TRAPPC8: variants seen among roughly 807,000 people sequenced by gnomAD.
The protein encoded by TRAPPC8 is general sporulation gene 1 homolog.
In TRAPPC8, 54 loss-of-function variants were observed where a neutral mutation model predicts 174.3. The observed-to-expected ratio is 0.31, with a 90% confidence interval of 0.25 to 0.39. The LOEUF is 0.39. TRAPPC8 is among the 10% of genes least tolerant of loss of function. The pLI is 1.00. For missense variants in TRAPPC8, 1,531 were observed against 1,699.1 expected (o/e 0.90, Z 1.74); for synonymous variants, 630 against 579.9 (o/e 1.09, Z -1.24).
chr18:31,838,113 G>T (rs2032869404), intron 27 of TRAPPC8, among the ~76,000 whole-genome samples: 2 of 152,210 alleles, frequency 1.3e-5, no homozygotes, highest in South Asian at 4.1e-4. Flanking sequence ...GGAACTACAG[G>T]TGTGTACCAC....
intron 12 of TRAPPC8, among the ~76,000 whole-genome samples, chr18:31,874,953 A>C (rs958771427): frequency 2.6e-5 from 4 of 152,194 alleles, no homozygotes; most frequent in Non-Finnish European, 4.4e-5. Flanking sequence ...AAAGGAAGAA[A>C]AGGGAGGCCA....
chr18:31,894,073 C>T (rs895905108), intron 11 of TRAPPC8, among the ~76,000 whole-genome samples: 12 of 152,294 alleles, frequency 7.9e-5, no homozygotes, highest in Middle Eastern at 3.4e-3. Context: ...CAACTGAAGG[C>T]AGATGTGGAA....
rs144682384 is a variant in TRAPPC8 at position 31,899,931 on chromosome 18, C to T, written c.1490+994G>A. Among the ~76,000 whole-genome samples, 60 of 150,468 alleles carry T rather than the reference C, an allele frequency of 4.0e-4. No individual in the cohort carries two copies. In the South Asian group the frequency reaches 0.012, roughly 29 times the overall value. ...ATTGCATTCCAGGTGGGTGACAATG[C>T]GAGACTGTCTCAAAAAAAAACATGG... On this transcript the variant is annotated intron_variant, in intron 10 of 28. Coordinates refer to ENST00000283351, the MANE Select transcript of TRAPPC8 (RefSeq NM_014939.5).
intron 28 of TRAPPC8, 77 bp from the exon 29 acceptor site, chr18:31,831,066 C>T (rs897977970): frequency 8.4e-6 from 11 of 1,304,846 alleles, no homozygotes; most frequent in Non-Finnish European, 7.5e-6. Context: ...TAACATATCC[C>T]TTTCAGCTGG....
At chr18:31,861,230 T>A (rs2034305303) in intron 19 of TRAPPC8, among the ~76,000 whole-genome samples, 1 of 152,216 alleles carries the variant, frequency 6.6e-6, no homozygotes, top group African/African-American at 2.4e-5. Flanking sequence ...CTTTACAAGC[T>A]TTGTTTCATC....
Position 31,874,781 on chromosome 18 carries a change from A to C in TRAPPC8, c.1729-77T>G, listed in dbSNP as rs1181578321. 2.5e-6 allele frequency: 3 copies of C among 1,219,074 alleles called. No individual in the cohort carries two copies. The East Asian group carries it at 7.3e-5, about 30-fold the overall frequency. 75.5% of individuals were successfully genotyped at this position (1,219,074 alleles called of 1,614,324 possible). ...AGAAAAAACAAATACAAACACACAC[A>C]TAGAAACAATTAAGTAACTGGTTCT... On this transcript the variant is annotated intron_variant, in intron 12 of 28. Transcript: ENST00000283351.
chr18:31,939,557 T>C (rs1433593569), intron 1 of TRAPPC8: 4 of 152,180 alleles, frequency 2.6e-5, no homozygotes, highest in African/African-American at 9.7e-5. Flanking sequence ...CACTCCTTCA[T>C]AGGGAATGAC....
chr18:31,882,524 T>C (rs2035505970), intron 12 of TRAPPC8, among the ~76,000 whole-genome samples: 1 of 152,124 alleles, frequency 6.6e-6, no homozygotes, highest in Non-Finnish European at 1.5e-5. Flanking sequence ...ACTATTTGGG[T>C]GATGGGTTAG....
intron 1 of TRAPPC8, among the ~76,000 whole-genome samples, chr18:31,941,748 T>C (rs1377095550): frequency 1.3e-5 from 2 of 152,214 alleles, no homozygotes; most frequent in Admixed American, 6.5e-5. Flanking sequence ...AGGCTTATTA[T>C]GAAACCCTTC....
At chr18:31,928,505 T>C (rs1184688118) in intron 2 of TRAPPC8, among the ~76,000 whole-genome samples, 2 of 151,950 alleles carry the variant, frequency 1.3e-5, no homozygotes, top group Admixed American at 6.6e-5. Context: ...CTTAGGGTGA[T>C]AGAGTAAGAC....
At chr18:31,934,062 C>A (rs2037973295) in intron 1 of TRAPPC8, among the ~76,000 whole-genome samples, 1 of 151,958 alleles carries the variant, frequency 6.6e-6, no homozygotes, top group Non-Finnish European at 1.5e-5. Context: ...GTGGCAAGCG[C>A]CTGTATTCCC....
chr18:31,924,767 G>A (rs1032492859), intron 2 of TRAPPC8, among the ~76,000 whole-genome samples: 20 of 127,942 alleles, frequency 1.6e-4, no homozygotes, highest in African/African-American at 4.0e-4. Context: ...AAAAAAATCC[G>A]CCTGAAGAGT....
At position 31,942,630 on chromosome 18, in the gene TRAPPC8, G is replaced by A. The variant is rs138028897; in HGVS notation, c.135C>T (p.Pro45=). The change falls in exon 1 of 29, where the codon CCC becomes CCT. Residue 45 remains proline (P), a synonymous_variant. Transcript: ENST00000283351. ...NHLSFAELLK[P]FSRLTSEVHM... ...TACCCTCGGAAGTGAGGCGGGAGAAGGGCTTAAGCAGCTCCGCGAAGCTGA... is the reference window on the plus strand; with the variant it reads ...TACCCTCGGAAGTGAGGCGGGAGAAAGGCTTAAGCAGCTCCGCGAAGCTGA... The A allele has an allele frequency of 1.1e-5, 17 of 1,607,610 alleles. No homozygotes were observed. The African/African-American group carries it at 1.7e-4, about 16-fold the overall frequency.
intron 1 of TRAPPC8, among the ~76,000 whole-genome samples, chr18:31,933,373 A>C (rs1358752092): frequency 1.3e-5 from 2 of 152,034 alleles, no homozygotes; most frequent in Admixed American, 6.6e-5. Flanking sequence ...ACCTTGATTT[A>C]AATCCCAACC....
Position 31,830,997 on chromosome 18 carries a change from A to G in TRAPPC8, c.4074-8T>C, listed in dbSNP as rs748697444. On this transcript the variant is annotated splice_region_variant and splice_polypyrimidine_tract_variant and intron_variant, in intron 28 of 28. Transcript: ENST00000283351. ...ATTTCCAGTGCTTCTGGACTAAGGG[A>G]GGAGGAAAATGTAAGTTGCAGGATT... The G allele has an allele frequency of 2.4e-5, 38 of 1,587,654 alleles. No homozygotes were observed. Among genetic ancestry groups the G allele is most frequent in the Non-Finnish European group, 3.2e-5 (37 of 1,165,548 alleles).
intron 15 of TRAPPC8, 123 bp downstream of exon 15, chr18:31,870,803 T>C: frequency 1.0e-6 from 1 of 952,618 alleles, no homozygotes; most frequent in African/African-American, 1.7e-5. Context: ...GCTCAGTAAA[T>C]TATGAGTTCC....
Position 31,864,714 on chromosome 18 carries a change from G to A in TRAPPC8, c.2658C>T (p.Asn886=). 1 of 1,612,964 alleles carries A rather than the reference G, an allele frequency of 6.2e-7. No individual in the cohort carries two copies. The highest frequency in any genetic ancestry group is 1.1e-5 in the South Asian group (1 of 90,998). The change falls in exon 19 of 29, where the codon AAC becomes AAT. Residue 886 remains asparagine (N), a synonymous_variant. Coordinates refer to ENST00000283351, the MANE Select transcript of TRAPPC8 (RefSeq NM_014939.5). ...QDLEIQGPRL[N]NTKEEKTSVK... is the part of the protein sequence containing the mutation. ...CAGATGTTTTCTCTTCTTTTGTGTT[G>A]TTAAGTCGAGGACCTTGAATTTCTA...
rs1227242267 is a variant in TRAPPC8 at position 31,829,373 on chromosome 18, T to C, written c.*1382A>G. 2 of 152,206 alleles carry C rather than the reference T, an allele frequency of 1.3e-5. No individual in the cohort carries two copies. The highest frequency in any genetic ancestry group is 1.5e-5 in the Non-Finnish European group (1 of 68,036). The allele number at this position is 152,206 out of a possible 1,614,324, so 9.4% of individuals were successfully genotyped here. A position where few individuals can be genotyped will look rare whatever the true frequency, so the allele number is the denominator to read the frequency against. ...ATTCTTGTCTTTCCTCCTCAGACTT[T>C]TTATAAGCCCATGGCCCTAAACTCT... On this transcript the variant is annotated 3_prime_UTR_variant, in exon 29 of 29. Transcript: ENST00000283351.
intron 2 of TRAPPC8, among the ~76,000 whole-genome samples, chr18:31,922,166 T>C (rs1393329355): frequency 6.6e-6 from 1 of 152,250 alleles, no homozygotes; most frequent in Non-Finnish European, 1.5e-5. Context: ...TATCTTGCTT[T>C]ATATAATTTT....
Sources: allele counts gnomAD v4.1 joint callset (sites outside exome capture counted in the v4.1 genomes callset), GRCh38; gene constraint gnomAD v4.1.1; transcripts MANE v1.5; gene names NCBI Gene and HGNC (gene_info 2026-07-23, HGNC 2026-07-21).